The following MYO9A variants were observed in gnomAD, a reference collection of about 807,000 sequenced individuals.
The protein encoded by MYO9A is myosin IXA.
MYO9A carries 103 observed loss-of-function variants against 293.3 expected under a neutral mutation model. The ratio of observed to expected loss-of-function variants is 0.35; its 90% confidence interval spans 0.30 to 0.41. The LOEUF is 0.41. Ranked by LOEUF, MYO9A falls within the 10% of genes least tolerant of loss-of-function variation. The pLI is 1.00. For missense variants in MYO9A, 2,685 were observed against 3,033.0 expected (o/e 0.89, Z 2.69); for synonymous variants, 1,001 against 1,035.7 (o/e 0.97, Z 0.64).
At chr15:72,027,887 A>G in intron 3 of MYO9A, 94 bp from the exon 4 acceptor site, 1 of 903,756 alleles carries the variant, frequency 1.1e-6, no homozygotes. Flanking sequence ...AAAGAATACT[A>G]TCCAGATCAT....
chr15:72,077,755 A>ATGTGTT (rs2079415018), intron 1 of MYO9A, among the ~76,000 whole-genome samples: 2 of 25,044 alleles, frequency 8.0e-5, no homozygotes, highest in Admixed American at 9.0e-4. Context: ...AAAAAAAAAT[A>ATGTGTT]TATATATATA....
At chr15:71,873,389 C>T (rs2056583606) in intron 32 of MYO9A, among the ~76,000 whole-genome samples, 1 of 152,126 alleles carries the variant, frequency 6.6e-6, no homozygotes, top group South Asian at 2.1e-4. Context: ...TAAAGAACCT[C>T]GTGCATGTCA....
chr15:72,007,808 G>GA lies in MYO9A; in HGVS notation c.1380+17dup, dbSNP rs776323364. ...GTTACAAAGATTTGAAATGACAACT[G>GA]AAAATGTAATCACTCACCTCTAATA... On this transcript the variant is annotated intron_variant, in intron 8 of 41. Coordinates refer to ENST00000356056, the MANE Select transcript of MYO9A (RefSeq NM_006901.4). The GA allele has an allele frequency of 6.3e-6, 10 of 1,598,766 alleles. No homozygotes were observed. Among genetic ancestry groups the GA allele is most frequent in the Non-Finnish European group, 8.5e-6 (10 of 1,175,286 alleles).
intron 19 of MYO9A, among the ~76,000 whole-genome samples, chr15:71,906,209 T>C (rs192559211): frequency 6.6e-5 from 10 of 152,322 alleles, no homozygotes; most frequent in Middle Eastern, 3.4e-3. Context: ...TAACTCAAAA[T>C]TGTTAAGGTT....
intron 24 of MYO9A, 76 bp downstream of exon 24, chr15:71,899,611 C>T: frequency 7.9e-7 from 1 of 1,260,320 alleles, no homozygotes; most frequent in Non-Finnish European, 1.1e-6. Flanking sequence ...ACAAATTAGA[C>T]AAGTGTTAAT....
At chr15:71,991,272 T>C in intron 10 of MYO9A, 35 bp from the exon 11 acceptor site, 1 of 1,502,884 alleles carries the variant, frequency 6.7e-7, no homozygotes, top group Non-Finnish European at 9.0e-7. Flanking sequence ...TTAAAAGTAA[T>C]GTTTAAATTT....
In MYO9A at chr15:71,883,575, A is replaced by G. The variant is rs774048091; in HGVS notation, c.5398+19T>C. 5 of 1,601,162 alleles carry G rather than the reference A, an allele frequency of 3.1e-6. No homozygotes were observed. The East Asian group carries it at 6.7e-5, about 21-fold the overall frequency. The stretch of plus-strand genomic sequence containing the variant: ...AACAGAAATTATGAACACAAGTTCC[A>G]CCCTTTGGTCACTTTTACCATCTGG... On this transcript the variant is annotated intron_variant, in intron 28 of 41. Coordinates refer to ENST00000356056, the MANE Select transcript of MYO9A (RefSeq NM_006901.4).
At chr15:71,838,208 G>C (rs909115501) in intron 39 of MYO9A, among the ~76,000 whole-genome samples, 7 of 152,006 alleles carry the variant, frequency 4.6e-5, no homozygotes, top group Non-Finnish European at 1.0e-4. Context: ...ACTTATAGGA[G>C]CTTCTCTTTA....
intron 1 of MYO9A, among the ~76,000 whole-genome samples, chr15:72,106,053 C>A (rs2080556393): frequency 1.3e-5 from 2 of 151,948 alleles, no homozygotes; most frequent in Admixed American, 1.3e-4. Flanking sequence ...GGTATGCTAC[C>A]TTTAGCATAT....
intron 1 of MYO9A, among the ~76,000 whole-genome samples, chr15:72,101,068 G>C (rs2080286305): frequency 7.1e-6 from 1 of 141,570 alleles, no homozygotes; most frequent in African/African-American, 2.6e-5. Flanking sequence ...GAGGGAGGTG[G>C]GGGGTTCAGC....
At chr15:72,087,999 T>C (rs1203624401) in intron 1 of MYO9A, among the ~76,000 whole-genome samples, 1 of 152,060 alleles carries the variant, frequency 6.6e-6, no homozygotes, top group Non-Finnish European at 1.5e-5. Flanking sequence ...AGGATGGGTG[T>C]CCTTGTAAGA....
intron 18 of MYO9A, among the ~76,000 whole-genome samples, chr15:71,933,024 A>C (rs2058524111): frequency 1.3e-5 from 2 of 152,146 alleles, no homozygotes; most frequent in Non-Finnish European, 1.5e-5. Flanking sequence ...AATAAAAAAA[A>C]ACCAGAGCTA....
At chr15:71,886,194 TAAAAAAAAAAA>T (rs34921688) in intron 27 of MYO9A, among the ~76,000 whole-genome samples, 1 of 127,208 alleles carries the variant, frequency 7.9e-6, no homozygotes, top group Non-Finnish European at 1.6e-5. Context: ...TAAAGTAGGG[TAAAAAAAAAAA>T]AAAAAAAAAG....
At chr15:72,042,988 C>T (rs1037907722) in intron 2 of MYO9A, among the ~76,000 whole-genome samples, 1 of 151,796 alleles carries the variant, frequency 6.6e-6, no homozygotes, top group African/African-American at 2.4e-5. Flanking sequence ...GAGGATCACT[C>T]GAGCCTGGAG....
At chr15:72,057,264 A>AT (rs1226846466) in intron 1 of MYO9A, among the ~76,000 whole-genome samples, 3 of 152,320 alleles carry the variant, frequency 2.0e-5, no homozygotes, top group African/African-American at 7.2e-5. Context: ...GCAAGACTCC[A>AT]TCTCAAAAAT....
chr15:71,850,226 G>C, intron 37 of MYO9A, 59 bp from the exon 38 acceptor site: 3 of 1,585,930 alleles, frequency 1.9e-6, no homozygotes, highest in Non-Finnish European at 2.6e-6. Context: ...GAGCACCATA[G>C]GGAAATAGGC....
intron 1 of MYO9A, among the ~76,000 whole-genome samples, chr15:72,112,321 G>C (rs1459292535): frequency 6.6e-6 from 1 of 152,128 alleles, no homozygotes; most frequent in Non-Finnish European, 1.5e-5. Context: ...CACTTCAGTT[G>C]CCCGCTGGAT....
rs1472249238 is a variant in MYO9A, at chr15:71,964,947, T to A, written c.1986+3037A>T. Among the ~76,000 whole-genome samples the A allele has an allele frequency of 4.0e-5, 6 of 151,548 alleles. No individual in the cohort carries two copies. The East Asian group carries it at 1.2e-3, about 29-fold the overall frequency. On this transcript the variant is annotated intron_variant, in intron 13 of 41. Coordinates refer to ENST00000356056, the MANE Select transcript of MYO9A (RefSeq NM_006901.4). ...TCCAGCCTGGGTGATAAAACAAGAC[T>A]CTTGTCTCAAAAAAAAAAAAAGTTT...
chr15:71,891,368 T>A (rs368117810), intron 26 of MYO9A: 8 of 152,230 alleles, frequency 5.3e-5, no homozygotes, highest in African/African-American at 1.9e-4. Flanking sequence ...GTAAAAGAAG[T>A]CTATCACCAA....
Sources: gnomAD v4.1 joint callset for allele counts (sites outside exome capture counted in the v4.1 genomes callset) on GRCh38, gnomAD v4.1.1 for gene constraint, MANE v1.5 for transcripts, NCBI Gene and HGNC (gene_info 2026-07-23, HGNC 2026-07-21) for gene names.